The following RABGAP1L variants were observed in gnomAD, a reference collection of about 807,000 sequenced individuals.
The protein encoded by RABGAP1L is rab GTPase-activating protein 1-like.
A neutral mutation model predicts 137.7 loss-of-function variants in RABGAP1L; 63 were observed. That is an observed-to-expected ratio of 0.46 (90% CI 0.37 to 0.56). RABGAP1L has a LOEUF of 0.56. Ranked by LOEUF, RABGAP1L falls within the 20% of genes least tolerant of loss-of-function variation. The pLI is 0.00. For missense variants in RABGAP1L, 1,095 were observed against 1,244.0 expected, an observed-to-expected ratio of 0.88 and a Z score of 1.80; for synonymous variants, 431 against 433.7, an observed-to-expected ratio of 0.99 and a Z score of 0.08.
chr1:174,948,899 G>A lies in RABGAP1L; in HGVS notation c.2341-8558G>A, dbSNP rs528929596. 3.9e-5 allele frequency: 6 copies of A among 152,204 alleles called. No homozygotes were observed. In the East Asian group the frequency reaches 1.2e-3, roughly 29 times the overall value. The allele number at this position is 152,204 out of a possible 1,614,324, so 9.4% of individuals were successfully genotyped here. Reference sequence around the variant, plus strand: ...ATCCTTGTGAATGAAAGTCATATGAGCCGATACCACCAATATATGTATATT... The same window carrying A: ...ATCCTTGTGAATGAAAGTCATATGAACCGATACCACCAATATATGTATATT... On this transcript the variant is annotated intron_variant, in intron 19 of 25. Coordinates refer to ENST00000681986, the MANE Select transcript of RABGAP1L (RefSeq NM_001366446.1).
chr1:174,477,335 G>T (rs1658606854), intron 13 of RABGAP1L, among the ~76,000 whole-genome samples: 1 of 152,122 alleles, frequency 6.6e-6, no homozygotes, highest in Non-Finnish European at 1.5e-5. Flanking sequence ...TCTTGGAGTT[G>T]TTCTCTTCTT....
At chr1:174,762,949 G>C (rs1461086598) in intron 18 of RABGAP1L, among the ~76,000 whole-genome samples, 1 of 151,458 alleles carries the variant, frequency 6.6e-6, no homozygotes, top group African/African-American at 2.4e-5. Flanking sequence ...GGAATAGCTG[G>C]GACTACAGGC....
chr1:174,355,250 TG>T (rs1683526875), intron 11 of RABGAP1L, among the ~76,000 whole-genome samples: 1 of 152,058 alleles, frequency 6.6e-6, no homozygotes, highest in Non-Finnish European at 1.5e-5. Context: ...TAAGAAAATG[TG>T]GCACATATAC....
intron 1 of RABGAP1L, among the ~76,000 whole-genome samples, chr1:174,197,437 C>T (rs1438605483): frequency 1.3e-5 from 2 of 152,116 alleles, no homozygotes; most frequent in African/African-American, 2.4e-5. Context: ...GTTTAGATCC[C>T]TCTTGGTGAA....
At chr1:174,254,970 C>G (rs1672996707) in intron 7 of RABGAP1L, among the ~76,000 whole-genome samples, 1 of 152,174 alleles carries the variant, frequency 6.6e-6, no homozygotes, top group Non-Finnish European at 1.5e-5. Flanking sequence ...TAAAAGTGTT[C>G]CTATTTCTCC....
In RABGAP1L at chr1:174,683,566, G is replaced by A. The variant is rs768472391; in HGVS notation, c.1869G>A (p.Gln623=). The change falls in exon 15 of 26, where the codon CAG becomes CAA. Residue 623 remains glutamine, a synonymous_variant. Coordinates refer to ENST00000681986, the MANE Select transcript of RABGAP1L (RefSeq NM_001366446.1). Reference sequence around the variant, plus strand: ...AAGACATTGGGTACTGTCAAGGGCAGTCTTTTCTTGCTGCTGTATTACTGC... The same window carrying A: ...AAGACATTGGGTACTGTCAAGGGCAATCTTTTCTTGCTGCTGTATTACTGC... ...YDEDIGYCQG[Q]SFLAAVLLLH... 1.2e-6 allele frequency: 2 copies of A among 1,609,504 alleles called. No homozygotes were observed. The highest frequency in any genetic ancestry group is 1.7e-6 in the Non-Finnish European group (2 of 1,175,902).
rs368753560 is a variant in RABGAP1L at position 174,942,939 on chromosome 1, A to G, written c.2341-14518A>G. On this transcript the variant is annotated intron_variant, in intron 19 of 25. Transcript: ENST00000681986. ...TGTAAGCTCCTTAAAAGCAGAAACT[A>G]TCTTCTTTGTCTTCCTCTCAGCACC... Among the ~76,000 whole-genome samples, 26 of 152,286 alleles carry G rather than the reference A, an allele frequency of 1.7e-4. No homozygotes were observed. In the South Asian group the frequency reaches 4.8e-3, roughly 28 times the overall value.
intron 19 of RABGAP1L, chr1:174,850,150 G>A (rs891372392): frequency 1.7e-5 from 8 of 460,248 alleles, no homozygotes; most frequent in East Asian, 5.9e-5. Context: ...CTGATCCTGC[G>A]AGTCACTGCA....
At chr1:174,699,255 A>G (rs1045280431) in intron 15 of RABGAP1L, among the ~76,000 whole-genome samples, 1 of 152,108 alleles carries the variant, frequency 6.6e-6, no homozygotes, top group African/African-American at 2.4e-5. Context: ...GGCCTCCCAA[A>G]GTGTGCTTTG....
intron 19 of RABGAP1L, among the ~76,000 whole-genome samples, chr1:174,834,299 G>A (rs964663961): frequency 6.6e-6 from 1 of 151,858 alleles, no homozygotes; most frequent in East Asian, 1.9e-4. Flanking sequence ...GGTGGCACAC[G>A]CATGTAATCC....
At position 174,728,354 on chromosome 1, in the gene RABGAP1L, A is replaced by G. The variant is rs1256207451; in HGVS notation, c.2170-23959A>G. ...AATGTTCAAGCTCGGAGCCAAATAA[A>G]GAATGCAGTCCCCTTTACAATAGCC... On this transcript the variant is annotated intron_variant, in intron 17 of 25. Transcript: ENST00000681986. Among the ~76,000 whole-genome samples, 3 of 152,212 alleles carry G rather than the reference A, an allele frequency of 2.0e-5. No homozygotes were observed. In the East Asian group the frequency reaches 5.8e-4, roughly 29 times the overall value.
At position 174,989,990 on chromosome 1, in the gene RABGAP1L, G is replaced by A; in HGVS notation, c.3145G>A (p.Glu1049Lys). Reference protein sequence around the residue: ...QPAPVTQPPKEST With the variant: ...QPAPVTQPPKKST ...AGCACCGGTCACCCAGCCACCCAAGGAGAGCACATAGTTCCAGCCTTACCC... is the reference window on the plus strand; with the variant it reads ...AGCACCGGTCACCCAGCCACCCAAGAAGAGCACATAGTTCCAGCCTTACCC... Residue 1049 changes from glutamate to lysine, a missense_variant, in exon 26 of 26, where the codon GAG becomes AAG. Glu to Lys is a moderately conservative substitution (Grantham distance 56). This residue lies in a region of RABGAP1L where 312 missense variants were observed against 435.6 expected (regional missense o/e 0.72). Coordinates refer to ENST00000681986, the MANE Select transcript of RABGAP1L (RefSeq NM_001366446.1). 6.5e-7 allele frequency: 1 copy of A among 1,544,718 alleles called. No individual in the cohort carries two copies. The highest frequency in any genetic ancestry group is 2.4e-5 in the East Asian group (1 of 40,896).
At chr1:174,548,378 C>T in intron 13 of RABGAP1L, 2 of 1,020,724 alleles carry the variant, frequency 2.0e-6, no homozygotes, top group Non-Finnish European at 2.4e-6. Flanking sequence ...GTCCTGTCTA[C>T]CATATATTTA....
At chr1:174,164,057 T>A (rs1358646608) in intron 1 of RABGAP1L, among the ~76,000 whole-genome samples, 1 of 152,096 alleles carries the variant, frequency 6.6e-6, no homozygotes, top group Admixed American at 6.6e-5. Context: ...ATACTAGAAT[T>A]ATCTGGATTT....
intron 13 of RABGAP1L, among the ~76,000 whole-genome samples, chr1:174,561,407 C>G (rs1011653784): frequency 3.3e-5 from 5 of 152,126 alleles, no homozygotes; most frequent in Non-Finnish European, 7.4e-5. Context: ...TAGGAAGAAT[C>G]AGTATCGTGA....
At chr1:174,180,507 T>C (rs1262421797) in intron 1 of RABGAP1L, among the ~76,000 whole-genome samples, 1 of 152,194 alleles carries the variant, frequency 6.6e-6, no homozygotes, top group East Asian at 1.9e-4. Context: ...CTCTGTCACC[T>C]ACCTTAGAGT....
At chr1:174,491,474 C>T (rs1660224630) in intron 13 of RABGAP1L, among the ~76,000 whole-genome samples, 1 of 151,860 alleles carries the variant, frequency 6.6e-6, no homozygotes, top group South Asian at 2.1e-4. Context: ...TTACTCTTCC[C>T]TTTCCTCTCC....
intron 13 of RABGAP1L, among the ~76,000 whole-genome samples, chr1:174,495,876 C>G (rs1416632708): frequency 6.6e-6 from 1 of 152,076 alleles, no homozygotes; most frequent in Non-Finnish European, 1.5e-5. Context: ...AGTAGAATTA[C>G]TAGGTCAAAG....
At chr1:174,566,554 G>C (rs1667601339) in intron 13 of RABGAP1L, among the ~76,000 whole-genome samples, 1 of 152,162 alleles carries the variant, frequency 6.6e-6, no homozygotes, top group Non-Finnish European at 1.5e-5. Flanking sequence ...GAGTGACTGA[G>C]ACAGTATCAC....
Sources: allele counts gnomAD v4.1 joint callset (sites outside exome capture counted in the v4.1 genomes callset), GRCh38; gene constraint gnomAD v4.1.1; regional missense constraint gnomAD v4.1.1; transcripts MANE v1.5; gene names NCBI Gene and HGNC (gene_info 2026-07-23, HGNC 2026-07-21).